The following NDUFS4 variants were observed in gnomAD, a reference collection of about 807,000 sequenced individuals.
NDUFS4 encodes the protein NADH dehydrogenase [ubiquinone] iron-sulfur protein 4, mitochondrial.
In NDUFS4, 28 loss-of-function variants were observed where a neutral mutation model predicts 24.3. The observed-to-expected ratio is 1.15, with a 90% CI of 0.85 to 1.58. The LOEUF is 1.58. Ranked by LOEUF, NDUFS4 falls within the 40% of genes most tolerant of loss-of-function variation. The probability of loss-of-function intolerance (pLI) is 0.00; values close to 1 mark genes in which losing one functional copy is unlikely to be tolerated. For missense variants in NDUFS4, 223 were observed against 207.9 expected, an observed-to-expected ratio of 1.07 and a Z score of -0.45; for synonymous variants, 93 against 69.7, an observed-to-expected ratio of 1.34 and a Z score of -1.67.
rs983464858 is a variant in NDUFS4 at position 53,653,910 on chromosome 5, A to G, written c.351-4641A>G. On this transcript the variant is annotated intron_variant, in intron 3 of 4. Coordinates refer to ENST00000296684, the MANE Select transcript of NDUFS4 (RefSeq NM_002495.4). ...TGCTAATATTTAAAGTTGATTTTGC[A>G]TATAAGCCACATTATGTACTGTCTC... is the stretch of plus-strand genomic sequence containing the variant. Among the ~76,000 whole-genome samples the G allele has an allele frequency of 3.9e-5, 6 of 152,126 alleles. 1 individual carries two copies. Among genetic ancestry groups the G allele is most frequent in the Non-Finnish European group, 8.8e-5 (6 of 67,996 alleles).
chr5:53,628,393 CAT>C (rs1306104708), intron 2 of NDUFS4, among the ~76,000 whole-genome samples: 2 of 152,124 alleles, frequency 1.3e-5, no homozygotes, highest in African/African-American at 4.8e-5. Flanking sequence ...ATACTGGCCT[CAT>C]AAAGTGAGTT....
chr5:53,602,967 AATAAC>A (rs1046709135), intron 1 of NDUFS4, among the ~76,000 whole-genome samples: 1 of 152,238 alleles, frequency 6.6e-6, no homozygotes, highest in African/African-American at 2.4e-5. Flanking sequence ...GGACTAAACT[AATAAC>A]ATTAGTTATA....
At chr5:53,618,392 A>C (rs1750920003) in intron 2 of NDUFS4, among the ~76,000 whole-genome samples, 1 of 151,166 alleles carries the variant, frequency 6.6e-6, no homozygotes, top group Admixed American at 6.6e-5. Context: ...AATTATAATT[A>C]TTATTCTTAA....
intron 4 of NDUFS4, 93 bp from the exon 5 acceptor site, chr5:53,683,025 T>TTAAG (rs2111616899): frequency 1.2e-6 from 1 of 841,444 alleles, no homozygotes; most frequent in East Asian, 2.4e-5. Context: ...GAACATTAAG[T>TTAAG]TAAGTTATAA....
intron 1 of NDUFS4, among the ~76,000 whole-genome samples, chr5:53,578,727 C>T (rs964821961): frequency 2.6e-5 from 4 of 152,136 alleles, no homozygotes; most frequent in Non-Finnish European, 5.9e-5. Context: ...TGTCCTGCTC[C>T]TCCTCGATGT....
chr5:53,673,579 G>A (rs1293048131), intron 4 of NDUFS4, among the ~76,000 whole-genome samples: 1 of 152,114 alleles, frequency 6.6e-6, no homozygotes, highest in Non-Finnish European at 1.5e-5. Context: ...CTCTTACAAT[G>A]ATAAGACATT....
chr5:53,602,971 A>G (rs1750372268), intron 1 of NDUFS4, among the ~76,000 whole-genome samples: 1 of 152,206 alleles, frequency 6.6e-6, no homozygotes, highest in Non-Finnish European at 1.5e-5. Flanking sequence ...TAAACTAATA[A>G]CATTAGTTAT....
At chr5:53,677,041 T>G (rs931594934) in intron 4 of NDUFS4, among the ~76,000 whole-genome samples, 2 of 152,176 alleles carry the variant, frequency 1.3e-5, no homozygotes, top group African/African-American at 4.8e-5. Flanking sequence ...AAGTGGTTTT[T>G]GGCTATTTGT....
intron 4 of NDUFS4, among the ~76,000 whole-genome samples, chr5:53,673,614 G>T (rs916082643): frequency 2.6e-5 from 4 of 152,152 alleles, no homozygotes; most frequent in African/African-American, 9.7e-5. Context: ...GGCACAATCA[G>T]TCACTTTACT....
chr5:53,680,560 T>C (rs1357897540), intron 4 of NDUFS4, among the ~76,000 whole-genome samples: 1 of 152,022 alleles, frequency 6.6e-6, no homozygotes, highest in Non-Finnish European at 1.5e-5. Flanking sequence ...ATGGATGAAA[T>C]TGGAAATCAT....
At chr5:53,634,495 C>G (rs59962798) in intron 2 of NDUFS4, among the ~76,000 whole-genome samples, 5,035 of 152,152 alleles carry the variant, frequency 0.033, 293 homozygotes, top group African/African-American at 0.11. Context: ...GTTCTTTAGC[C>G]TTTTTAATTT....
chr5:53,585,697 G>A (rs866702161), intron 1 of NDUFS4, among the ~76,000 whole-genome samples: 1 of 151,184 alleles, frequency 6.6e-6, no homozygotes, highest in Non-Finnish European at 1.5e-5. Flanking sequence ...AGCCGAGATC[G>A]CGCCATTGCA....
At chr5:53,677,715 C>G (rs2111597167) in intron 4 of NDUFS4, among the ~76,000 whole-genome samples, 1 of 152,312 alleles carries the variant, frequency 6.6e-6, no homozygotes, top group African/African-American at 2.4e-5. Flanking sequence ...GTATACCTTG[C>G]TTTGGCCTCC....
chr5:53,618,645 C>CT (rs1362887478), intron 2 of NDUFS4, among the ~76,000 whole-genome samples: 2 of 152,154 alleles, frequency 1.3e-5, no homozygotes, highest in African/African-American at 4.8e-5. Flanking sequence ...TGACAATCAA[C>CT]TATGTAATTC....
At chr5:53,618,931 T>C (rs577959640) in intron 2 of NDUFS4, among the ~76,000 whole-genome samples, 30 of 151,068 alleles carry the variant, frequency 2.0e-4, no homozygotes, top group African/African-American at 7.1e-4. Context: ...CTGGGCAACA[T>C]GGTGAAACCC....
chr5:53,683,023 A>C, intron 4 of NDUFS4, 95 bp from the exon 5 acceptor site: 1 of 831,322 alleles, frequency 1.2e-6, no homozygotes, highest in Non-Finnish European at 2.1e-6. Context: ...ATGAACATTA[A>C]GTTAAGTTAT....
Position 53,577,747 on chromosome 5 carries a change from A to G in NDUFS4, c.98+16987A>G, listed in dbSNP as rs181183878. Among the ~76,000 whole-genome samples the G allele has an allele frequency of 1.7e-4, 26 of 152,314 alleles. 1 individual carries two copies. In the East Asian group the frequency reaches 4.4e-3, roughly 26 times the overall value. Reference sequence around the variant, plus strand: ...TTGAGGTCTTCCAACTCACTTAACTATAAATAATAATCTCATGGGAAGAGA... The same window carrying G: ...TTGAGGTCTTCCAACTCACTTAACTGTAAATAATAATCTCATGGGAAGAGA... On this transcript the variant is annotated intron_variant, in intron 1 of 4. Transcript: ENST00000296684.
intron 1 of NDUFS4, among the ~76,000 whole-genome samples, chr5:53,584,769 C>CTGTTTT (rs59962855): frequency 0.43 from 61,638 of 143,016 alleles, 12,865 homozygotes; most frequent in Middle Eastern, 0.5. Context: ...AAAATGTTTT[C>CTGTTTT]TGTTTTTGTT....
rs566704642 is a variant in NDUFS4 at position 53,573,205 on chromosome 5, G to T, written c.98+12445G>T. Among the ~76,000 whole-genome samples the T allele has an allele frequency of 2.6e-5, 4 of 151,984 alleles. No homozygotes were observed. The South Asian group carries it at 8.3e-4, about 32-fold the overall frequency. On this transcript the variant is annotated intron_variant, in intron 1 of 4. Coordinates refer to ENST00000296684, the MANE Select transcript of NDUFS4 (RefSeq NM_002495.4). ...GCCCAGGCTGGTCTTGAACTCCTGG[G>T]TTCAAGCAGTCCTCCTGCCTAGGCT...
Sources: allele counts gnomAD v4.1 joint callset (sites outside exome capture counted in the v4.1 genomes callset), GRCh38; gene constraint gnomAD v4.1.1; transcripts MANE v1.5; gene names NCBI Gene and HGNC (gene_info 2026-07-23, HGNC 2026-07-21).